The following TMEM132D variants were observed in gnomAD, a reference collection of about 807,000 sequenced individuals.
TMEM132D encodes the protein mature OL transmembrane protein.
TMEM132D carries 21 observed loss-of-function variants against 62.3 expected under a neutral mutation model. That is an observed-to-expected ratio of 0.34 (90% confidence interval 0.24 to 0.49). The LOEUF (loss-of-function observed/expected upper bound fraction) is 0.49, where lower values mean the gene tolerates loss of function less well. Among genes scored for constraint, TMEM132D ranks in the 20% least tolerant of loss-of-function variants. The pLI is 0.99. For synonymous variants in TMEM132D, 621 were observed against 575.6 expected, an observed-to-expected ratio of 1.08 and a Z score of -1.13; for missense variants, 1,346 against 1,402.8, an observed-to-expected ratio of 0.96 and a Z score of 0.65.
At chr12:129,605,622 T>TACAC (rs55684861) in intron 2 of TMEM132D, among the ~76,000 whole-genome samples, 79 of 126,790 alleles carry the variant, frequency 6.2e-4, no homozygotes, top group African/African-American at 1.5e-3. Context: ...CATATATATA[T>TACAC]ACACACACAC....
At chr12:129,765,861 A>C (rs1396839179) in intron 1 of TMEM132D, among the ~76,000 whole-genome samples, 1 of 152,152 alleles carries the variant, frequency 6.6e-6, no homozygotes, top group Non-Finnish European at 1.5e-5. Context: ...ATCTTCTTTT[A>C]ACATGGCCGA....
intron 1 of TMEM132D, among the ~76,000 whole-genome samples, chr12:129,803,866 T>C (rs368094714): frequency 1.4e-3 from 205 of 145,736 alleles, no homozygotes; most frequent in African/African-American, 5.0e-3. Context: ...ATATCACCAC[T>C]GATCCCACAG....
At chr12:129,243,987 G>C (rs973871182) in intron 4 of TMEM132D, among the ~76,000 whole-genome samples, 1 of 152,124 alleles carries the variant, frequency 6.6e-6, no homozygotes, top group Middle Eastern at 3.2e-3. Flanking sequence ...CTCAGGGGGA[G>C]GAAGTGCGTT....
chr12:129,481,479 A>C lies in TMEM132D; in HGVS notation c.1115+49580T>G, dbSNP rs1280124435. Among the ~76,000 whole-genome samples the C allele has an allele frequency of 1.8e-4, 14 of 79,766 alleles. 1 individual carries two copies. The highest frequency in any genetic ancestry group is 8.8e-4 in the South Asian group (3 of 3,418). 52.3% of individuals were successfully genotyped at this position (79,766 alleles called of 152,430 possible). ...CCCTGTCTCCAAAAAAAAAAAAAAA[A>C]CCCACAAAACTGTAAGACAAACTAA... is the stretch of plus-strand genomic sequence containing the variant. On this transcript the variant is annotated intron_variant, in intron 3 of 8. Transcript: ENST00000422113.
At chr12:129,106,326 T>G in intron 5 of TMEM132D, among the ~76,000 whole-genome samples, 2 of 148,608 alleles carry the variant, frequency 1.3e-5, no homozygotes, top group African/African-American at 5.0e-5. Context: ...AGATGACGAG[T>G]TAGTGGGTGC....
At chr12:129,440,868 G>C (rs1021942123) in intron 3 of TMEM132D, among the ~76,000 whole-genome samples, 28 of 152,254 alleles carry the variant, frequency 1.8e-4, no homozygotes, top group African/African-American at 5.3e-4. Flanking sequence ...CTGGGCAACA[G>C]AGTGGATGTT....
At chr12:129,477,575 C>A (rs551539497) in intron 3 of TMEM132D, among the ~76,000 whole-genome samples, 1 of 152,254 alleles carries the variant, frequency 6.6e-6, no homozygotes, top group East Asian at 1.9e-4. Flanking sequence ...AATCCCAGCA[C>A]TTTGGGAGGC....
At chr12:129,624,095 A>T (rs977903736) in intron 2 of TMEM132D, among the ~76,000 whole-genome samples, 2 of 152,148 alleles carry the variant, frequency 1.3e-5, no homozygotes, top group Non-Finnish European at 2.9e-5. Flanking sequence ...GCCTTTGTTT[A>T]TCTTGTGTTG....
chr12:129,558,895 T>G (rs982003176), intron 2 of TMEM132D, among the ~76,000 whole-genome samples: 5 of 152,172 alleles, frequency 3.3e-5, no homozygotes, highest in Non-Finnish European at 7.3e-5. Flanking sequence ...TGGCACTCAA[T>G]TATTGGAACT....
At chr12:129,566,259 G>T (rs1877363340) in intron 2 of TMEM132D, among the ~76,000 whole-genome samples, 1 of 152,214 alleles carries the variant, frequency 6.6e-6, no homozygotes, top group African/African-American at 2.4e-5. Flanking sequence ...ATTACAGGTT[G>T]AAGGCAGAAA....
intron 1 of TMEM132D, among the ~76,000 whole-genome samples, chr12:129,893,449 C>T (rs1874998995): frequency 7.1e-6 from 1 of 140,820 alleles, no homozygotes; most frequent in Non-Finnish European, 1.5e-5. Flanking sequence ...GGACCTTCCT[C>T]TGGTGTTCCA....
At chr12:129,172,891 T>A (rs1170291676) in intron 5 of TMEM132D, among the ~76,000 whole-genome samples, 2 of 152,096 alleles carry the variant, frequency 1.3e-5, no homozygotes, top group Non-Finnish European at 2.9e-5. Flanking sequence ...CTCATTTCAA[T>A]ATTGTGTCTC....
intron 5 of TMEM132D, among the ~76,000 whole-genome samples, chr12:129,141,141 A>G (rs1876730573): frequency 6.6e-6 from 1 of 152,258 alleles, no homozygotes. Context: ...TGCGAACTCA[A>G]CATTGGCATT....
intron 4 of TMEM132D, among the ~76,000 whole-genome samples, chr12:129,247,116 T>C (rs1880142674): frequency 6.6e-6 from 1 of 152,238 alleles, no homozygotes; most frequent in African/African-American, 2.4e-5. Flanking sequence ...CTGCAAAGTA[T>C]ATATCGGGAT....
intron 3 of TMEM132D, among the ~76,000 whole-genome samples, chr12:129,362,528 T>G (rs552550085): frequency 6.8e-6 from 1 of 147,284 alleles, no homozygotes; most frequent in Non-Finnish European, 1.5e-5. Context: ...TCATGACATT[T>G]AAAAAAAAAA....
intron 4 of TMEM132D, among the ~76,000 whole-genome samples, chr12:129,268,743 C>T (rs1432216363): frequency 1.3e-5 from 2 of 152,114 alleles, no homozygotes; most frequent in African/African-American, 4.8e-5. Flanking sequence ...GCACTATTCA[C>T]AATAGCAATG....
At position 129,074,768 on chromosome 12, in the gene TMEM132D, TAGC is replaced by T. The variant is rs765608153; in HGVS notation, c.2404_2406del (p.Ala802del). 4 of 1,614,042 alleles carry T rather than the reference TAGC, an allele frequency of 2.5e-6. No homozygotes were observed. The highest frequency in any genetic ancestry group is 1.6e-4 in the Middle Eastern group (1 of 6,084). On this transcript the variant is annotated inframe_deletion, in exon 9 of 9. Transcript: ENST00000422113. ...TGTCTGCTGTCACTGGTGTTGGGGT[TAGC>T]ATCGTTTTGGCCAAATTTAACTTTG...
intron 3 of TMEM132D, among the ~76,000 whole-genome samples, chr12:129,399,967 CATT>C (rs1195973653): frequency 6.6e-6 from 1 of 151,852 alleles, no homozygotes; most frequent in Non-Finnish European, 1.5e-5. Context: ...AGTAGGAAAA[CATT>C]ATTTCATAAA....
chr12:129,859,935 G>C (rs935200029), intron 1 of TMEM132D, among the ~76,000 whole-genome samples: 2 of 152,158 alleles, frequency 1.3e-5, no homozygotes, highest in African/African-American at 4.8e-5. Context: ...TGGATCTTGC[G>C]AGTCAATTCT....
Sources: allele counts gnomAD v4.1 joint callset (sites outside exome capture counted in the v4.1 genomes callset), GRCh38; gene constraint gnomAD v4.1.1; transcripts MANE v1.5; gene names NCBI Gene and HGNC (gene_info 2026-07-23, HGNC 2026-07-21).